CYP2J2: variants seen among roughly 807,000 people sequenced by gnomAD.
CYP2J2 encodes cytochrome P450 2J2.
In CYP2J2, 41 loss-of-function variants were observed where a neutral mutation model predicts 48.8. The observed-to-expected ratio is 0.84, with a 90% CI of 0.66 to 1.09. The LOEUF (loss-of-function observed/expected upper bound fraction) is 1.09. CYP2J2 is among the 50% of genes least tolerant of loss of function. CYP2J2 has a pLI of 0.00. For synonymous variants in CYP2J2, 221 were observed against 227.1 expected, an observed-to-expected ratio of 0.97 and a Z score of 0.24; for missense variants, 644 against 617.3, an observed-to-expected ratio of 1.04 and a Z score of -0.46.
the CYP2J2 span, among the ~76,000 whole-genome samples, chr1:59,942,030 C>T: frequency 6.6e-6 from 1 of 152,216 alleles, no homozygotes; most frequent in South Asian, 2.1e-4. Flanking sequence ...TTCAGTGTTG[C>T]AAGCGCCATT....
chr1:59,922,069 C>A (rs1403126868), intron 1 of CYP2J2, among the ~76,000 whole-genome samples: 1 of 151,696 alleles, frequency 6.6e-6, no homozygotes, highest in African/African-American at 2.4e-5. Flanking sequence ...AAGGTCGTGA[C>A]CCCCCTGGAC....
the CYP2J2 span, among the ~76,000 whole-genome samples, chr1:59,947,412 A>G: frequency 6.6e-6 from 1 of 152,206 alleles, no homozygotes; most frequent in East Asian, 1.9e-4. Context: ...CAGGCAATAT[A>G]AAACAGCACC....
chr1:59,941,188 G>T, the CYP2J2 span, among the ~76,000 whole-genome samples: 1 of 152,170 alleles, frequency 6.6e-6, no homozygotes, highest in Non-Finnish European at 1.5e-5. Flanking sequence ...AGTGTCTTCT[G>T]CTGGCCTGGC....
At chr1:59,920,949 C>T (rs1362493595) in intron 1 of CYP2J2, among the ~76,000 whole-genome samples, 2 of 151,912 alleles carry the variant, frequency 1.3e-5, no homozygotes, top group East Asian at 1.9e-4. Context: ...ATCTTCTGTC[C>T]CTTTACTCCA....
intron 8 of CYP2J2, among the ~76,000 whole-genome samples, chr1:59,899,972 T>C (rs1216879135): frequency 6.6e-6 from 1 of 152,228 alleles, no homozygotes; most frequent in African/African-American, 2.4e-5. Context: ...ATTAAGAAGT[T>C]TTGTTATTGA....
chr1:59,944,666 C>A, the CYP2J2 span, among the ~76,000 whole-genome samples: 15 of 152,144 alleles, frequency 9.9e-5, no homozygotes, highest in African/African-American at 1.2e-4. Flanking sequence ...ATATCTGTTT[C>A]TTCCTTGCTT....
At chr1:59,913,041 A>G (rs1187026342) in intron 2 of CYP2J2, 3 of 152,154 alleles carry the variant, frequency 2.0e-5, no homozygotes, top group Non-Finnish European at 4.4e-5. Context: ...ACACCTTTTA[A>G]TATCTGACTA....
At chr1:59,930,418 T>C (rs551977338), upstream of CYP2J2, among the ~76,000 whole-genome samples, 85 of 152,300 alleles carry the variant, frequency 5.6e-4, no homozygotes, top group South Asian at 1.7e-3. Context: ...GTATTTGTTA[T>C]CTTCTGTTAT....
the CYP2J2 span, among the ~76,000 whole-genome samples, chr1:59,965,522 C>T: frequency 2.0e-5 from 3 of 152,316 alleles, no homozygotes; most frequent in South Asian, 2.1e-4. Context: ...GCAAAGTTGA[C>T]GACATGGACT....
At chr1:59,962,753 G>A in the CYP2J2 span, among the ~76,000 whole-genome samples, 1 of 152,134 alleles carries the variant, frequency 6.6e-6, no homozygotes. Flanking sequence ...TAAAATCTGG[G>A]TATCCTTGAG....
At chr1:59,917,462 C>T (rs1644476341) in intron 1 of CYP2J2, among the ~76,000 whole-genome samples, 1 of 152,220 alleles carries the variant, frequency 6.6e-6, no homozygotes, top group Non-Finnish European at 1.5e-5. Flanking sequence ...GCTGAAACAA[C>T]ACAGCAAAGG....
At chr1:59,948,382 C>T in the CYP2J2 span, among the ~76,000 whole-genome samples, 1 of 152,124 alleles carries the variant, frequency 6.6e-6, no homozygotes, top group Non-Finnish European at 1.5e-5. Context: ...TTTGAGTATG[C>T]ACATCTATTA....
chr1:59,911,552 T>A, intron 4 of CYP2J2, 56 bp downstream of exon 4: 1 of 1,301,900 alleles, frequency 7.7e-7, no homozygotes, highest in Non-Finnish European at 1.0e-6. Context: ...AACCCATCTG[T>A]GGCTGACATC....
At chr1:59,920,670 C>T (rs759191110) in intron 1 of CYP2J2, among the ~76,000 whole-genome samples, 2 of 151,956 alleles carry the variant, frequency 1.3e-5, no homozygotes, top group African/African-American at 2.4e-5. Context: ...GGTTTTCAAT[C>T]AGAATTCTAA....
the CYP2J2 span, among the ~76,000 whole-genome samples, chr1:59,968,823 C>T: frequency 6.6e-6 from 1 of 152,234 alleles, no homozygotes; most frequent in Non-Finnish European, 1.5e-5. Context: ...TTGGTGGGTT[C>T]TTGGTCTCAT....
At chr1:59,939,962 AC>A in the CYP2J2 span, among the ~76,000 whole-genome samples, 2 of 151,998 alleles carry the variant, frequency 1.3e-5, no homozygotes, top group Admixed American at 1.3e-4. Context: ...CCTGGGACTC[AC>A]CTTTTAGGGC....
chr1:59,919,424 T>TGTGTGCACATGTGCAC (rs1452359375), intron 1 of CYP2J2, among the ~76,000 whole-genome samples: 1 of 152,330 alleles, frequency 6.6e-6, no homozygotes, highest in East Asian at 1.9e-4. Flanking sequence ...TGTATGTGTG[T>TGTGTGCACATGTGCAC]GTGTGCACAT....
the CYP2J2 span, among the ~76,000 whole-genome samples, chr1:59,967,447 C>T: frequency 6.6e-6 from 1 of 152,228 alleles, no homozygotes; most frequent in African/African-American, 2.4e-5. Context: ...TGGCCTACCA[C>T]AAGCAGCAGG....
At chr1:59,893,964 C>T in intron 8 of CYP2J2, 135 bp from the exon 9 acceptor site, 3 of 771,370 alleles carry the variant, frequency 3.9e-6, no homozygotes, top group Non-Finnish European at 6.1e-6. Context: ...TTATGGCCAG[C>T]AGCTTATTTA....
Sources: allele counts gnomAD v4.1 joint callset (sites outside exome capture counted in the v4.1 genomes callset), GRCh38; gene constraint gnomAD v4.1.1; transcripts MANE v1.5; gene names NCBI Gene and HGNC (gene_info 2026-07-23, HGNC 2026-07-21).